The following CALHM4 variants were observed in gnomAD, a reference collection of about 807,000 sequenced individuals.
The protein encoded by CALHM4 is calcium homeostasis modulator protein 4.
A neutral mutation model predicts 13.3 loss-of-function variants in CALHM4; 16 were observed. The observed-to-expected ratio is 1.20, with a 90% confidence interval of 0.81 to 1.82. The LOEUF (loss-of-function observed/expected upper bound fraction) is 1.82. Among genes scored for constraint, CALHM4 ranks in the 40% most tolerant of loss-of-function variants. The pLI is 0.00. For missense variants in CALHM4, 344 were observed against 374.9 expected (o/e 0.92, Z 0.68); for synonymous variants, 127 against 137.1 (o/e 0.93, Z 0.52).
chr6:116,535,043 T>C (rs1772991986), intron 1 of CALHM4, among the ~76,000 whole-genome samples: 1 of 152,126 alleles, frequency 6.6e-6, no homozygotes, highest in African/African-American at 2.4e-5. Context: ...TTGACAAACA[T>C]AATTTGTGCA....
rs140338294 is a variant in CALHM4, at chr6:116,560,159, T to C, written c.*1948T>C. Reference sequence around the variant, plus strand: ...GTCTGCTCCAGTTCTAAAATTCTGTTCCTATATAACTGATAATTTTTTATA... The same window carrying C: ...GTCTGCTCCAGTTCTAAAATTCTGTCCCTATATAACTGATAATTTTTTATA... On this transcript the variant is annotated 3_prime_UTR_variant, in exon 2 of 2. Transcript: ENST00000368596. 1.3e-5 allele frequency among the ~76,000 whole-genome samples: 2 copies of C among 152,330 alleles called. No individual in the cohort carries two copies. Among genetic ancestry groups the C allele is most frequent in the South Asian group, 2.1e-4 (1 of 4,832 alleles).
At chr6:116,556,141 A>G (rs1053849246) in intron 1 of CALHM4, among the ~76,000 whole-genome samples, 1 of 152,146 alleles carries the variant, frequency 6.6e-6, no homozygotes, top group Non-Finnish European at 1.5e-5. Context: ...CATTTGATGA[A>G]CTTCTTTTTA....
At chr6:116,547,132 G>C (rs1393778668) in intron 2 of CALHM4, among the ~76,000 whole-genome samples, 1 of 152,112 alleles carries the variant, frequency 6.6e-6, no homozygotes, top group Non-Finnish European at 1.5e-5. Flanking sequence ...AATTTATTTT[G>C]TACCGCACAC....
Position 116,554,111 on chromosome 6 carries a change from C to A in CALHM4, c.318C>A (p.Ser106Arg). 6.4e-7 allele frequency: 1 copy of A among 1,550,650 alleles called. No homozygotes were observed. The highest frequency in any genetic ancestry group is 1.2e-5 in the South Asian group (1 of 84,066). Residue 106 changes from serine to arginine, a missense_variant, in exon 1 of 2, where the codon AGC (serine) becomes AGA (arginine). Transcript: ENST00000368596. The part of the protein sequence containing the change: ...ECKLACLRFF[S>R]ITGRAVIAPL... ...AGCTGGCTTGCCTTAGGTTCTTCAG[C>A]ATCACTGGGAGGGCAGTTATTGCTC...
At chr6:116,546,514 G>C (rs1185784350) in intron 2 of CALHM4, among the ~76,000 whole-genome samples, 2 of 152,176 alleles carry the variant, frequency 1.3e-5, no homozygotes, top group Non-Finnish European at 2.9e-5. Context: ...AGAATACTTT[G>C]ACGAAAAGTG....
chr6:116,536,231 T>C (rs1318406342), intron 1 of CALHM4, among the ~76,000 whole-genome samples: 1 of 152,236 alleles, frequency 6.6e-6, no homozygotes, highest in African/African-American at 2.4e-5. Flanking sequence ...ATAATTAACT[T>C]GGCATCTTTT....
rs781622182 is a variant in CALHM4, at chr6:116,560,218, C to T, written c.*2007C>T. Among the ~76,000 whole-genome samples the T allele has an allele frequency of 4.6e-5, 7 of 152,134 alleles. No homozygotes were observed. Among genetic ancestry groups the T allele is most frequent in the Non-Finnish European group, 8.8e-5 (6 of 68,016 alleles). On this transcript the variant is annotated 3_prime_UTR_variant, in exon 2 of 2. Coordinates refer to ENST00000368596, the MANE Select transcript of CALHM4 (RefSeq NM_001366078.2). The stretch of plus-strand genomic sequence containing the variant: ...TATTGGAACATACTAGTTAAATGAA[C>T]ACTTTCAACCATGCTCAGAATTAGT...
chr6:116,543,207 G>A (rs1391230013), intron 1 of CALHM4: 1 of 844,016 alleles, frequency 1.2e-6, no homozygotes, highest in Non-Finnish European at 1.8e-6. Flanking sequence ...AAGAACAGCT[G>A]GTGAAATGAA....
At chr6:116,534,467 A>T (rs1372319497) in intron 1 of CALHM4, among the ~76,000 whole-genome samples, 2 of 151,838 alleles carry the variant, frequency 1.3e-5, no homozygotes, top group African/African-American at 2.4e-5. Flanking sequence ...AGAAAAAAAA[A>T]TATGACTAGT....
At chr6:116,540,908 C>T (rs939616936) in intron 1 of CALHM4, among the ~76,000 whole-genome samples, 1 of 152,020 alleles carries the variant, frequency 6.6e-6, no homozygotes, top group African/African-American at 2.4e-5. Flanking sequence ...GAAGGGCAGG[C>T]ATTTCCAGGA....
At chr6:116,529,616 C>A (rs779920243) in intron 1 of CALHM4, among the ~76,000 whole-genome samples, 1 of 152,210 alleles carries the variant, frequency 6.6e-6, no homozygotes, top group Non-Finnish European at 1.5e-5. Context: ...TCTCCATGTC[C>A]TGCAAGGCAG....
chr6:116,551,361 T>G (rs555218889), upstream of CALHM4, among the ~76,000 whole-genome samples: 55 of 152,336 alleles, frequency 3.6e-4, no homozygotes, highest in African/African-American at 1.2e-3. Flanking sequence ...TGGTCTATTT[T>G]CTGTCGGTAT....
chr6:116,554,919 A>G (rs1362221414), intron 1 of CALHM4, among the ~76,000 whole-genome samples: 1 of 152,152 alleles, frequency 6.6e-6, no homozygotes, highest in African/African-American at 2.4e-5. Context: ...CCTGAACCCT[A>G]CTACATTTAT....
chr6:116,554,260 T>C lies in CALHM4; in HGVS notation c.467T>C (p.Ile156Thr). The change falls in exon 1 of 2, where the codon ATC becomes ACC. Residue 156 changes from isoleucine to threonine, a missense_variant. By Grantham distance (89) the Ile-to-Thr change is moderately conservative. Transcript: ENST00000368596. ...DNVSASKREEILAGFPCCRSA... is the reference protein window; with the variant it reads ...DNVSASKREETLAGFPCCRSA... Reference sequence around the variant, plus strand: ...GTCAGTGCCAGCAAACGAGAAGAGATCCTGGCTGGGTTTCCATGTTGCAGA... The same window carrying C: ...GTCAGTGCCAGCAAACGAGAAGAGACCCTGGCTGGGTTTCCATGTTGCAGA... 1.3e-6 allele frequency: 2 copies of C among 1,550,642 alleles called. No homozygotes were observed. Among genetic ancestry groups the C allele is most frequent in the Non-Finnish European group, 1.7e-6 (2 of 1,146,990 alleles).
At chr6:116,543,355 G>A in intron 1 of CALHM4, 1 of 1,549,968 alleles carries the variant, frequency 6.5e-7, no homozygotes, top group Non-Finnish European at 8.7e-7. Flanking sequence ...TCCTTACACA[G>A]CTGGGCAACC....
upstream of CALHM4, chr6:116,553,738 G>A (rs1774181447): frequency 1.4e-6 from 2 of 1,464,516 alleles, no homozygotes; most frequent in African/African-American, 2.8e-5. Context: ...GTTATAGCTG[G>A]TGGAGTCTAA....
intron 1 of CALHM4, among the ~76,000 whole-genome samples, chr6:116,541,386 C>A (rs1010405348): frequency 5.3e-5 from 8 of 152,162 alleles, no homozygotes; most frequent in African/African-American, 1.9e-4. Flanking sequence ...ACAGCCACAT[C>A]TACATAGACA....
chr6:116,556,476 T>C (rs971916743), intron 1 of CALHM4, among the ~76,000 whole-genome samples: 1 of 152,254 alleles, frequency 6.6e-6, no homozygotes, highest in African/African-American at 2.4e-5. Context: ...TCCTCCGCCA[T>C]GCTGGCCTCT....
chr6:116,531,892 A>T (rs935020486), intron 1 of CALHM4, among the ~76,000 whole-genome samples: 1 of 149,718 alleles, frequency 6.7e-6, no homozygotes, highest in East Asian at 1.9e-4. Context: ...TTTATATTTA[A>T]TTTTAAAATA....
Sources: gnomAD v4.1 joint callset for allele counts (sites outside exome capture counted in the v4.1 genomes callset) on GRCh38, gnomAD v4.1.1 for gene constraint, MANE v1.5 for transcripts, NCBI Gene and HGNC (gene_info 2026-07-23, HGNC 2026-07-21) for gene names.